ADGRB3: variants seen among roughly 807,000 people sequenced by gnomAD.
ADGRB3 encodes the protein brain-specific angiogenesis inhibitor 3.
A neutral mutation model predicts 193.4 loss-of-function variants in ADGRB3; 37 were observed. That is an observed-to-expected ratio of 0.19 (90% confidence interval 0.15 to 0.25). ADGRB3 has a LOEUF of 0.25. Among genes scored for constraint, ADGRB3 ranks in the 10% least tolerant of loss-of-function variants. ADGRB3 has a pLI of 1.00. For missense variants in ADGRB3, 1,637 were observed against 1,852.9 expected (o/e 0.88, Z 2.14); for synonymous variants, 690 against 644.2 (o/e 1.07, Z -1.08).
At chr6:68,944,020 G>C (rs1767707447) in intron 6 of ADGRB3, 26 bp downstream of exon 6, 1 of 1,576,760 alleles carries the variant, frequency 6.3e-7, no homozygotes, top group Non-Finnish European at 8.7e-7. Context: ...ATTTGGTTAT[G>C]TTTGCATTAT....
chr6:69,015,958 A>G (rs1003192236), intron 12 of ADGRB3, among the ~76,000 whole-genome samples: 2 of 151,922 alleles, frequency 1.3e-5, no homozygotes, highest in African/African-American at 4.8e-5. Context: ...TATGTTTGAT[A>G]TTTCGTCATT....
chr6:68,977,159 G>T (rs1768775422), intron 10 of ADGRB3, among the ~76,000 whole-genome samples: 1 of 150,258 alleles, frequency 6.7e-6, no homozygotes, highest in Non-Finnish European at 1.5e-5. Flanking sequence ...ATAAGTGAGG[G>T]AATATAACAT....
intron 3 of ADGRB3, among the ~76,000 whole-genome samples, chr6:68,855,816 C>T (rs1023888428): frequency 6.6e-6 from 1 of 152,028 alleles, no homozygotes; most frequent in Non-Finnish European, 1.5e-5. Context: ...TCCAGGAGTT[C>T]GAGGTCAGCC....
chr6:69,182,965 C>T (rs903938734), intron 17 of ADGRB3, among the ~76,000 whole-genome samples: 3 of 151,950 alleles, frequency 2.0e-5, no homozygotes, highest in African/African-American at 4.8e-5. Flanking sequence ...TTTTTTTAAC[C>T]TTTCCTCATA....
intron 3 of ADGRB3, among the ~76,000 whole-genome samples, chr6:68,779,073 G>A (rs1467332772): frequency 6.6e-6 from 1 of 151,824 alleles, no homozygotes; most frequent in Non-Finnish European, 1.5e-5. Flanking sequence ...TATTAACAAT[G>A]ATTTTTTAAA....
intron 3 of ADGRB3, among the ~76,000 whole-genome samples, chr6:68,652,092 A>G (rs931348101): frequency 6.6e-6 from 1 of 151,980 alleles, no homozygotes; most frequent in African/African-American, 2.4e-5. Context: ...AGTTTGCCTG[A>G]GTCTAACTCC....
intron 3 of ADGRB3, among the ~76,000 whole-genome samples, chr6:68,673,214 T>A (rs758589908): frequency 1.3e-5 from 2 of 152,138 alleles, no homozygotes; most frequent in Non-Finnish European, 2.9e-5. Flanking sequence ...CCTTGGTAGA[T>A]AAGTTCCCTC....
chr6:69,307,277 T>C (rs1768086226), intron 20 of ADGRB3, among the ~76,000 whole-genome samples: 1 of 151,514 alleles, frequency 6.6e-6, no homozygotes, highest in Non-Finnish European at 1.5e-5. Context: ...GCAACCGACT[T>C]AAAGAATGTG....
At chr6:69,246,814 T>G (rs577789170) in intron 20 of ADGRB3, among the ~76,000 whole-genome samples, 2 of 152,216 alleles carry the variant, frequency 1.3e-5, no homozygotes, top group South Asian at 4.1e-4. Context: ...AGCTTCAACT[T>G]CAAAGCCGAT....
chr6:68,932,623 G>C (rs917143134), intron 4 of ADGRB3, among the ~76,000 whole-genome samples: 1 of 151,758 alleles, frequency 6.6e-6, no homozygotes, highest in Non-Finnish European at 1.5e-5. Context: ...AAGGTGTTAA[G>C]GTAGTCTGAA....
intron 3 of ADGRB3, among the ~76,000 whole-genome samples, chr6:68,920,376 G>A (rs1008835413): frequency 2.1e-4 from 32 of 151,782 alleles, no homozygotes; most frequent in Admixed American, 1.6e-3. Flanking sequence ...AAAATTAGCC[G>A]GGCGTGGTGG....
At chr6:68,895,748 G>A (rs776947002) in intron 3 of ADGRB3, among the ~76,000 whole-genome samples, 2 of 151,576 alleles carry the variant, frequency 1.3e-5, no homozygotes, top group Non-Finnish European at 2.9e-5. Context: ...ATCAATAAAT[G>A]CCTAGGAATG....
At chr6:68,817,103 CTG>C (rs1472154574) in intron 3 of ADGRB3, among the ~76,000 whole-genome samples, 12 of 151,482 alleles carry the variant, frequency 7.9e-5, no homozygotes, top group African/African-American at 2.9e-4. Context: ...TTATTGGCCT[CTG>C]TATTCCTCAG....
chr6:68,857,899 G>GTCTT (rs1048499714), intron 3 of ADGRB3, among the ~76,000 whole-genome samples: 1 of 152,120 alleles, frequency 6.6e-6, no homozygotes, highest in Admixed American at 6.5e-5. Context: ...ATGTGGGTGG[G>GTCTT]TCTTTCTTGT....
At chr6:69,168,504 A>G (rs314214) in intron 17 of ADGRB3, among the ~76,000 whole-genome samples, 23,325 of 152,016 alleles carry the variant, frequency 0.15, 1,983 homozygotes, top group Non-Finnish European at 0.18. Context: ...TCTCCAATAA[A>G]CTAATGTTTT....
At chr6:68,739,476 T>C (rs1765935689) in intron 3 of ADGRB3, among the ~76,000 whole-genome samples, 1 of 152,132 alleles carries the variant, frequency 6.6e-6, no homozygotes, top group Non-Finnish European at 1.5e-5. Context: ...TGGGGCCTGA[T>C]GCACAATTGG....
intron 3 of ADGRB3, among the ~76,000 whole-genome samples, chr6:68,719,715 C>A (rs1185302501): frequency 6.6e-6 from 1 of 151,224 alleles, no homozygotes; most frequent in South Asian, 2.1e-4. Flanking sequence ...TCTTTTGAAT[C>A]TATAGGAATC....
At chr6:68,914,776 A>T (rs1368078885) in intron 3 of ADGRB3, among the ~76,000 whole-genome samples, 2 of 152,232 alleles carry the variant, frequency 1.3e-5, no homozygotes, top group Non-Finnish European at 2.9e-5. Context: ...AGGAAGCAGT[A>T]TGATACCTTA....
intron 16 of ADGRB3, among the ~76,000 whole-genome samples, chr6:69,066,355 T>C (rs1345215558): frequency 6.6e-6 from 1 of 151,720 alleles, no homozygotes; most frequent in African/African-American, 2.4e-5. Context: ...CAAAATTACA[T>C]TTTATTAAAA....
Sources: gnomAD v4.1 joint callset for allele counts (sites outside exome capture counted in the v4.1 genomes callset) on GRCh38, gnomAD v4.1.1 for gene constraint, MANE v1.5 for transcripts, NCBI Gene and HGNC (gene_info 2026-07-23, HGNC 2026-07-21) for gene names.